The following NPC1 variants were observed in gnomAD, a reference collection of about 807,000 sequenced individuals.
NPC1 encodes the protein Niemann-Pick C1 protein.
Under a neutral mutation model 140.4 loss-of-function variants are expected in NPC1, and 85 were observed. The observed-to-expected ratio is 0.61, with a 90% confidence interval of 0.51 to 0.72. NPC1 has a LOEUF of 0.72. Ranked by LOEUF, NPC1 falls within the 30% of genes least tolerant of loss-of-function variation. The pLI is 0.00. For missense variants in NPC1, 1,504 were observed against 1,623.8 expected, an observed-to-expected ratio of 0.93 and a Z score of 1.27; for synonymous variants, 656 against 624.8, an observed-to-expected ratio of 1.05 and a Z score of -0.74.
Position 23,531,873 on chromosome 18 carries a change from G to C in NPC1, c.*329C>G. ...TTACTCCTAAAAGGAGAGACAGACA[G>C]TGCATTGATTGGCCTTTACAGAGTG... On this transcript the variant is annotated 3_prime_UTR_variant, in exon 25 of 25. Transcript: ENST00000269228. The C allele has an allele frequency of 6.9e-7, 1 of 1,446,986 alleles. No individual in the cohort carries two copies. Among genetic ancestry groups the C allele is most frequent in the Non-Finnish European group, 9.0e-7 (1 of 1,107,894 alleles). The allele number at this position is 1,446,986 out of a possible 1,614,324, so 89.6% of individuals were successfully genotyped here.
At position 23,551,801 on chromosome 18, in the gene NPC1, T is replaced by C. The variant is rs537770312; in HGVS notation, c.1554-74A>G. ...ATCAGGGACCTAAACATTTACACAG[T>C]GAACATTTGATGAGGCTGGCTGTAT... On this transcript the variant is annotated intron_variant, in intron 9 of 24. Coordinates refer to ENST00000269228, the MANE Select transcript of NPC1 (RefSeq NM_000271.5). 1.7e-4 allele frequency: 175 copies of C among 1,000,028 alleles called. 1 individual carries two copies. The highest frequency in any genetic ancestry group is 1.2e-3 in the Middle Eastern group (6 of 4,896). The allele number at this position is 1,000,028 out of a possible 1,614,324, so 61.9% of individuals were successfully genotyped here.
downstream of NPC1, chr18:23,529,128 AC>A (rs2058401698): frequency 6.3e-7 from 1 of 1,588,732 alleles, no homozygotes; most frequent in South Asian, 1.2e-5. Context: ...TGTAAACAGC[AC>A]CCTTCCTCTA....
chr18:23,544,320 C>T, intron 13 of NPC1, 24 bp downstream of exon 13: 2 of 1,610,530 alleles, frequency 1.2e-6, no homozygotes, highest in Non-Finnish European at 1.7e-6. Flanking sequence ...AGATGCTGAG[C>T]CCTGTGAGAA....
At chr18:23,547,616 C>T (rs1299709725) in intron 11 of NPC1, among the ~76,000 whole-genome samples, 1 of 152,090 alleles carries the variant, frequency 6.6e-6, no homozygotes, top group Non-Finnish European at 1.5e-5. Context: ...ATGGCATGCA[C>T]GTGTAGTCTC....
intron 24 of NPC1, 31 bp downstream of exon 24, chr18:23,533,324 T>C: frequency 6.2e-7 from 1 of 1,603,452 alleles, no homozygotes; most frequent in Non-Finnish European, 8.5e-7. Context: ...GTCCTTCTAT[T>C]GTGCCACCCT....
intron 1 of NPC1, chr18:23,576,905 GAAC>G (rs1331304922): frequency 2.0e-5 from 3 of 152,896 alleles, no homozygotes; most frequent in African/African-American, 7.2e-5. Context: ...AAGAGCGAAA[GAAC>G]AACGCTTCCA....
intron 1 of NPC1, among the ~76,000 whole-genome samples, chr18:23,583,131 C>G (rs2145591810): frequency 7.1e-6 from 1 of 140,026 alleles, no homozygotes; most frequent in Non-Finnish European, 1.6e-5. Context: ...AAAAAAGAGT[C>G]CCAAGTCAAG....
intron 9 of NPC1, among the ~76,000 whole-genome samples, chr18:23,554,196 C>T (rs930540246): frequency 1.2e-4 from 18 of 152,152 alleles, no homozygotes; most frequent in Admixed American, 7.9e-4. Flanking sequence ...CACATCTCCA[C>T]GCTTAAGCAA....
In NPC1 at chr18:23,531,980, G is replaced by GGA; in HGVS notation, c.*220_*221dup. On this transcript the variant is annotated 3_prime_UTR_variant, in exon 25 of 25. Coordinates refer to ENST00000269228, the MANE Select transcript of NPC1 (RefSeq NM_000271.5). ...TGAGGTTTCTTTCCTGAAGAGGCTG[G>GGA]GAGAAGTTTAGTGTCCTGTGGTTGC... The GGA allele has an allele frequency of 1.4e-6, 2 of 1,455,860 alleles. No homozygotes were observed. Among genetic ancestry groups the GGA allele is most frequent in the Non-Finnish European group, 1.8e-6 (2 of 1,111,284 alleles). 90.2% of individuals were successfully genotyped at this position (1,455,860 alleles called of 1,614,324 possible).
intron 4 of NPC1, among the ~76,000 whole-genome samples, chr18:23,567,536 CCTTA>C (rs1399431760): frequency 1.3e-5 from 2 of 152,066 alleles, no homozygotes; most frequent in East Asian, 1.9e-4. Flanking sequence ...GAATAACAGT[CCTTA>C]CTAACATGTC....
intron 21 of NPC1, among the ~76,000 whole-genome samples, chr18:23,536,055 C>T (rs759594005): frequency 7.2e-5 from 11 of 152,174 alleles, no homozygotes; most frequent in South Asian, 2.1e-4. Flanking sequence ...TCAGGCTCAG[C>T]GGGGTCCGTG....
In NPC1 at chr18:23,544,417, A is replaced by G. The variant is rs1222536967; in HGVS notation, c.2057T>C (p.Val686Ala). 6.2e-7 allele frequency: 1 copy of G among 1,614,232 alleles called. No individual in the cohort carries two copies. The highest frequency in any genetic ancestry group is 1.3e-5 in the African/African-American group (1 of 75,050). Residue 686 changes from valine (V) to alanine (A), a missense_variant, in exon 13 of 25, where the codon GTG (valine) becomes GCG (alanine). Transcript: ENST00000269228. ...CACCAGGAACGGGATGACTTCAATC[A>G]CAATGAGGGTCAAGGGCAACCCAAT... Reference protein sequence around the residue: ...SYIGLPLTLIVIEVIPFLVLA... With the variant: ...SYIGLPLTLIAIEVIPFLVLA...
intron 6 of NPC1, among the ~76,000 whole-genome samples, chr18:23,558,736 T>C (rs145376581): frequency 6.6e-6 from 1 of 152,320 alleles, no homozygotes; most frequent in East Asian, 1.9e-4. Context: ...TTAATTATTA[T>C]TATACTTTAA....
rs369064074 is a variant in NPC1, at chr18:23,573,689, G to A, written c.58-115C>T. The A allele has an allele frequency of 8.1e-6, 10 of 1,231,102 alleles. No individual in the cohort carries two copies. The African/African-American group carries it at 9.0e-5, about 11-fold the overall frequency. 76.3% of individuals were successfully genotyped at this position (1,231,102 alleles called of 1,614,324 possible). On this transcript the variant is annotated intron_variant, in intron 1 of 24. Transcript: ENST00000269228. ...CTTCCAATGCTACCTGCAAAATTAA[G>A]TAACAGCAACAGGCACTTAACATTT...
chr18:23,522,171 T>C (rs1323904852), downstream of NPC1: 2 of 152,240 alleles, frequency 1.3e-5, no homozygotes, highest in African/African-American at 4.8e-5. Flanking sequence ...TCTGGCACAG[T>C]TGGAGGAAGG....
chr18:23,578,864 C>T (rs1599022670), intron 1 of NPC1, among the ~76,000 whole-genome samples: 1 of 152,234 alleles, frequency 6.6e-6, no homozygotes, highest in African/African-American at 2.4e-5. Flanking sequence ...CCTCCCATAG[C>T]GAACCTATCG....
intron 4 of NPC1, among the ~76,000 whole-genome samples, chr18:23,562,318 C>CAAAAAAAAA (rs1567971511): frequency 4.6e-4 from 70 of 151,034 alleles, no homozygotes; most frequent in African/African-American, 1.7e-3. Context: ...ACAAAAAAAA[C>CAAAAAAAAA]CCCTAATACT....
At chr18:23,558,057 G>A (rs1248537329) in intron 6 of NPC1, among the ~76,000 whole-genome samples, 1 of 152,114 alleles carries the variant, frequency 6.6e-6, no homozygotes, top group Non-Finnish European at 1.5e-5. Flanking sequence ...AGGGAGAAGG[G>A]ATAGCTTTCT....
chr18:23,542,410 G>A (rs2058725722), intron 14 of NPC1, among the ~76,000 whole-genome samples: 2 of 152,164 alleles, frequency 1.3e-5, no homozygotes, highest in South Asian at 4.1e-4. Flanking sequence ...CAATGGCCCT[G>A]ATTAAGCTGA....
Sources: allele counts gnomAD v4.1 joint callset (sites outside exome capture counted in the v4.1 genomes callset), GRCh38; gene constraint gnomAD v4.1.1; transcripts MANE v1.5; gene names NCBI Gene and HGNC (gene_info 2026-07-23, HGNC 2026-07-21).